STPG2: variants seen among roughly 807,000 people sequenced by gnomAD.
STPG2 encodes sperm-tail PG-rich repeat-containing protein 2.
In STPG2, 56 loss-of-function variants were observed where a neutral mutation model predicts 54.2. That is an observed-to-expected ratio of 1.03 (90% CI 0.83 to 1.29). STPG2 has a LOEUF of 1.29. Ranked by LOEUF, STPG2 falls within the 50% of genes most tolerant of loss-of-function variation. STPG2 has a pLI of 0.00. For synonymous variants in STPG2, 200 were observed against 181.8 expected (o/e 1.10, Z -0.81); for missense variants, 596 against 544.9 (o/e 1.09, Z -0.93).
intron 10 of STPG2, among the ~76,000 whole-genome samples, chr4:97,599,125 A>G (rs1446358108): frequency 2.0e-5 from 3 of 152,168 alleles, no homozygotes; most frequent in African/African-American, 7.2e-5. Context: ...AAGAAGACAT[A>G]TTTGCGGCCA....
intron 4 of STPG2, among the ~76,000 whole-genome samples, chr4:97,498,617 G>C: frequency 6.9e-6 from 1 of 145,672 alleles, no homozygotes; most frequent in Middle Eastern, 3.5e-3. Context: ...AAAGCAACCT[G>C]AAAAAAAAAA....
At chr4:97,521,839 G>A (rs1166035804) in intron 4 of STPG2, among the ~76,000 whole-genome samples, 1 of 151,976 alleles carries the variant, frequency 6.6e-6, no homozygotes, top group Non-Finnish European at 1.5e-5. Context: ...GCTGGGCCCT[G>A]TGATGCATGC....
chr4:97,931,760 T>C (rs1732555625), intron 8 of STPG2, among the ~76,000 whole-genome samples: 1 of 152,064 alleles, frequency 6.6e-6, no homozygotes, highest in Admixed American at 6.5e-5. Flanking sequence ...TCTCATAGAC[T>C]GAGTTAGGAA....
At chr4:97,897,555 C>G (rs775016381) in intron 8 of STPG2, among the ~76,000 whole-genome samples, 6 of 152,148 alleles carry the variant, frequency 3.9e-5, no homozygotes, top group Non-Finnish European at 8.8e-5. Flanking sequence ...TCTCTGCAAC[C>G]TTGTCAGCAT....
At chr4:97,660,245 C>G (rs1392394252) in intron 10 of STPG2, among the ~76,000 whole-genome samples, 1 of 152,218 alleles carries the variant, frequency 6.6e-6, no homozygotes, top group Non-Finnish European at 1.5e-5. Context: ...TCGCAATCCG[C>G]CCGCCTCGGC....
At chr4:98,134,290 C>T in intron 2 of STPG2, 57 bp downstream of exon 2, 1 of 891,690 alleles carries the variant, frequency 1.1e-6, no homozygotes, top group African/African-American at 1.7e-5. Flanking sequence ...GACATTTGGT[C>T]TATTCAGGGA....
chr4:97,918,692 A>G (rs1053561001), intron 8 of STPG2, among the ~76,000 whole-genome samples: 1 of 152,188 alleles, frequency 6.6e-6, no homozygotes, highest in Admixed American at 6.5e-5. Context: ...AGAGACCATT[A>G]TTCAAAATAA....
chr4:97,592,272 T>C (rs754941636), intron 10 of STPG2, among the ~76,000 whole-genome samples: 1 of 152,118 alleles, frequency 6.6e-6, no homozygotes, highest in Non-Finnish European at 1.5e-5. Flanking sequence ...ATCTAATAAA[T>C]GAAAGCCAAA....
intron 8 of STPG2, chr4:97,892,908 C>A (rs1730826339): frequency 6.6e-6 from 1 of 152,140 alleles, no homozygotes; most frequent in Non-Finnish European, 1.5e-5. Flanking sequence ...TGGACTCACT[C>A]TCAAATTCTT....
intron 4 of STPG2, among the ~76,000 whole-genome samples, chr4:97,505,029 T>C (rs906902022): frequency 1.3e-5 from 2 of 151,260 alleles, no homozygotes; most frequent in African/African-American, 4.9e-5. Flanking sequence ...CAAATGGTTG[T>C]CTGTTACAGT....
At chr4:97,577,348 C>A (rs565007653) in intron 10 of STPG2, among the ~76,000 whole-genome samples, 1 of 152,234 alleles carries the variant, frequency 6.6e-6, no homozygotes, top group South Asian at 2.1e-4. Context: ...CCTAGGTATC[C>A]ATACGTGGAG....
chr4:98,050,430 C>T lies in STPG2; in HGVS notation c.612+55523G>A, dbSNP rs139850285. 4.9e-4 allele frequency among the ~76,000 whole-genome samples: 72 copies of T among 146,106 alleles called. No individual in the cohort carries two copies. In the East Asian group the frequency reaches 0.01, roughly 21 times the overall value. On this transcript the variant is annotated intron_variant, in intron 5 of 10. Coordinates refer to ENST00000295268, the MANE Select transcript of STPG2 (RefSeq NM_174952.3). ...TTTTGTGTTTGTTTTGCATTATTCACATTAAGTTTTTTATTTTTTAAAAAA... is the reference window on the plus strand; with the variant it reads ...TTTTGTGTTTGTTTTGCATTATTCATATTAAGTTTTTTATTTTTTAAAAAA...
At chr4:97,952,028 C>A (rs566349096) in intron 7 of STPG2, among the ~76,000 whole-genome samples, 1 of 152,248 alleles carries the variant, frequency 6.6e-6, no homozygotes, top group South Asian at 2.1e-4. Flanking sequence ...ACATTCCAGA[C>A]ACACTCATGA....
chr4:97,879,125 T>C (rs760487901), intron 8 of STPG2, among the ~76,000 whole-genome samples: 6 of 151,938 alleles, frequency 3.9e-5, no homozygotes, highest in Non-Finnish European at 7.4e-5. Context: ...TCAGCCTGCA[T>C]TTCATTGTGC....
chr4:97,819,917 T>C (rs1297754853), intron 9 of STPG2, among the ~76,000 whole-genome samples: 1 of 152,134 alleles, frequency 6.6e-6, no homozygotes, highest in Non-Finnish European at 1.5e-5. Context: ...CCTCATTTTA[T>C]TGTGTCTTGC....
At chr4:97,842,464 T>C (rs1317353256) in intron 8 of STPG2, among the ~76,000 whole-genome samples, 7 of 151,912 alleles carry the variant, frequency 4.6e-5, no homozygotes, top group Non-Finnish European at 7.4e-5. Context: ...ATATGCCTAG[T>C]GTAAATAGGA....
At chr4:97,604,455 T>G (rs1733542507) in intron 10 of STPG2, among the ~76,000 whole-genome samples, 1 of 151,740 alleles carries the variant, frequency 6.6e-6, no homozygotes, top group South Asian at 2.1e-4. Context: ...AGGCACAGTC[T>G]GAGCATTCTG....
intron 4 of STPG2, among the ~76,000 whole-genome samples, chr4:97,499,557 A>G (rs1262096853): frequency 6.6e-6 from 1 of 152,010 alleles, no homozygotes; most frequent in African/African-American, 2.4e-5. Context: ...TCTAATATAA[A>G]TTTTATATTC....
intron 9 of STPG2, among the ~76,000 whole-genome samples, chr4:97,713,697 C>T (rs918053691): frequency 6.6e-6 from 1 of 152,126 alleles, no homozygotes; most frequent in Non-Finnish European, 1.5e-5. Context: ...TACTCACTTG[C>T]CCTCTGCTCC....
Sources: allele counts gnomAD v4.1 joint callset (sites outside exome capture counted in the v4.1 genomes callset), GRCh38; gene constraint gnomAD v4.1.1; transcripts MANE v1.5; gene names NCBI Gene and HGNC (gene_info 2026-07-23, HGNC 2026-07-21).